The following BICD1 variants were observed in gnomAD, a reference collection of about 807,000 sequenced individuals.
BICD1 encodes protein bicaudal D homolog 1.
A neutral mutation model predicts 92.5 loss-of-function variants in BICD1; 35 were observed. The ratio of observed to expected loss-of-function variants is 0.38; its 90% CI spans 0.29 to 0.50. The LOEUF (loss-of-function observed/expected upper bound fraction) is 0.50, where lower values mean the gene tolerates loss of function less well. Among genes scored for constraint, BICD1 ranks in the 20% least tolerant of loss-of-function variants. BICD1 has a pLI of 0.93. For missense variants in BICD1, 950 were observed against 1,189.8 expected (o/e 0.80, Z 2.97); for synonymous variants, 429 against 465.1 (o/e 0.92, Z 1.00).
chr12:32,315,986 A>G (rs2136235277), intron 4 of BICD1, among the ~76,000 whole-genome samples: 1 of 151,982 alleles, frequency 6.6e-6, no homozygotes, highest in South Asian at 2.1e-4. Flanking sequence ...AAATACAAAA[A>G]TTAGCCGAGT....
chr12:32,111,356 C>T (rs996335055), intron 1 of BICD1, among the ~76,000 whole-genome samples: 1 of 152,326 alleles, frequency 6.6e-6, no homozygotes, highest in Non-Finnish European at 1.5e-5. Context: ...TAGAGCTTGT[C>T]ACATTGGTGA....
At chr12:32,161,235 G>C (rs1311978121) in intron 1 of BICD1, among the ~76,000 whole-genome samples, 1 of 152,118 alleles carries the variant, frequency 6.6e-6, no homozygotes. Flanking sequence ...AATCTCTCCA[G>C]GCTGAAAGAT....
chr12:32,150,900 C>T (rs1321732082), intron 1 of BICD1, among the ~76,000 whole-genome samples: 1 of 152,114 alleles, frequency 6.6e-6, no homozygotes, highest in African/African-American at 2.4e-5. Flanking sequence ...CTCTTCTGTC[C>T]GAGCATTTTC....
At chr12:32,116,751 A>T (rs944889031) in intron 1 of BICD1, among the ~76,000 whole-genome samples, 1 of 150,738 alleles carries the variant, frequency 6.6e-6, no homozygotes, top group Non-Finnish European at 1.5e-5. Flanking sequence ...ATTTTTAGAA[A>T]TTATTATTTG....
At chr12:32,287,040 A>G (rs1211786106) in intron 2 of BICD1, among the ~76,000 whole-genome samples, 33 of 152,200 alleles carry the variant, frequency 2.2e-4, no homozygotes, top group South Asian at 2.1e-4. Context: ...TGCTCAGGGA[A>G]GGTTTCCCTG....
chr12:32,333,110 T>C (rs1283343808), intron 5 of BICD1: 13 of 984,486 alleles, frequency 1.3e-5, no homozygotes, highest in South Asian at 9.4e-5. Flanking sequence ...CCTTAGATAC[T>C]GACCATGGGA....
chr12:32,149,962 G>C (rs1209450478), intron 1 of BICD1, among the ~76,000 whole-genome samples: 1 of 152,208 alleles, frequency 6.6e-6, no homozygotes, highest in Non-Finnish European at 1.5e-5. Flanking sequence ...TGGACTTGCA[G>C]TTCCAGGTGG....
At position 32,337,863 on chromosome 12, in the gene BICD1, A is replaced by C; in HGVS notation, c.2570+47A>C. The C allele has an allele frequency of 6.3e-7, 1 of 1,574,922 alleles. No homozygotes were observed. Among genetic ancestry groups the C allele is most frequent in the Non-Finnish European group, 8.7e-7 (1 of 1,146,144 alleles). Reference sequence around the variant, plus strand: ...TAGTACGGTGCAGTGGCCAGATTTTAGTTAACTGCAAAAATAAATGTGCTC... The same window carrying C: ...TAGTACGGTGCAGTGGCCAGATTTTCGTTAACTGCAAAAATAAATGTGCTC... On this transcript the variant is annotated intron_variant, in intron 7 of 9. Coordinates refer to ENST00000652176, the MANE Select transcript of BICD1 (RefSeq NM_001714.4). The surrounding 1 kb of genome is among the most constrained non-coding windows in gnomAD (Gnocchi z 4.7).
chr12:32,137,774 C>T lies in BICD1; in HGVS notation c.213+30230C>T, dbSNP rs370267762. On this transcript the variant is annotated intron_variant, in intron 1 of 9. Transcript: ENST00000652176. Reference sequence around the variant, plus strand: ...AATTCGGATTCCCTTTGTAAAAAGGCCTCCATTACTGGAGGCCAAATATAA... The same window carrying T: ...AATTCGGATTCCCTTTGTAAAAAGGTCTCCATTACTGGAGGCCAAATATAA... Among the ~76,000 whole-genome samples the T allele has an allele frequency of 2.9e-4, 44 of 152,048 alleles. 1 individual carries two copies. Among genetic ancestry groups the T allele is most frequent in the East Asian group, 2.1e-3 (11 of 5,166 alleles).
intron 9 of BICD1, among the ~76,000 whole-genome samples, chr12:32,371,821 C>T (rs1201974557): frequency 2.0e-5 from 3 of 152,146 alleles, no homozygotes; most frequent in Non-Finnish European, 4.4e-5. Flanking sequence ...CTCCTGACCT[C>T]CAGTGATCTG....
chr12:32,308,340 A>T (rs1324740210), intron 4 of BICD1, among the ~76,000 whole-genome samples: 3 of 152,172 alleles, frequency 2.0e-5, no homozygotes, highest in African/African-American at 7.2e-5. Flanking sequence ...ATGTATTTCA[A>T]ATGCTCTGAG....
rs1204086747 is a variant in BICD1, at chr12:32,378,279, G to A, written c.*652G>A. 2.0e-5 allele frequency: 3 copies of A among 152,166 alleles called. No homozygotes were observed. The highest frequency in any genetic ancestry group is 4.4e-5 in the Non-Finnish European group (3 of 68,022). The allele number at this position is 152,166 out of a possible 1,614,324, so 9.4% of individuals were successfully genotyped here. A position where few individuals can be genotyped will look rare whatever the true frequency, so the allele number is the denominator to read the frequency against. On this transcript the variant is annotated 3_prime_UTR_variant, in exon 10 of 10. Transcript: ENST00000652176. ...TTGCTGCTACGCTGGTATTGTTTAG[G>A]CACTTACTTTCTAATCAGTAGCTCA... is the stretch of plus-strand genomic sequence containing the variant.
At chr12:32,215,975 A>AG (rs1555148836) in intron 1 of BICD1, among the ~76,000 whole-genome samples, 11,053 of 142,032 alleles carry the variant, frequency 0.078, 823 homozygotes, top group South Asian at 0.2. Context: ...AAAAAAAAAA[A>AG]GGAGAACATA....
At chr12:32,178,905 G>A (rs1258595942) in intron 1 of BICD1, among the ~76,000 whole-genome samples, 5 of 151,912 alleles carry the variant, frequency 3.3e-5, no homozygotes, top group African/African-American at 9.7e-5. Context: ...GGTGGAGGAC[G>A]TCACTCAGTT....
chr12:32,156,766 A>G (rs1943451133), intron 1 of BICD1, among the ~76,000 whole-genome samples: 2 of 152,234 alleles, frequency 1.3e-5, no homozygotes, highest in Non-Finnish European at 1.5e-5. Context: ...CAGAACACTC[A>G]TGTTTAGATC....
At chr12:32,187,224 CTGTT>C (rs1413742691) in intron 1 of BICD1, among the ~76,000 whole-genome samples, 5 of 152,252 alleles carry the variant, frequency 3.3e-5, no homozygotes, top group Non-Finnish European at 7.3e-5. Flanking sequence ...AATAAATTCA[CTGTT>C]TGCTTTAGGA....
In BICD1 at chr12:32,378,732, T is replaced by G. The variant is rs1328446141; in HGVS notation, c.*1105T>G. ...AAATTGTATGTTTTGTTGTTGTTAG[T>G]TTTTTTCATAACGAATCTTCCTTGC... On this transcript the variant is annotated 3_prime_UTR_variant, in exon 10 of 10. Coordinates refer to ENST00000652176, the MANE Select transcript of BICD1 (RefSeq NM_001714.4). The G allele has an allele frequency of 6.6e-6, 1 of 152,182 alleles. No individual in the cohort carries two copies. The allele number at this position is 152,182 out of a possible 1,614,324, so 9.4% of individuals were successfully genotyped here. A position where few individuals can be genotyped will look rare whatever the true frequency, so the allele number is the denominator to read the frequency against.
At chr12:32,196,416 T>G (rs1310952942) in intron 1 of BICD1, among the ~76,000 whole-genome samples, 1 of 152,026 alleles carries the variant, frequency 6.6e-6, no homozygotes, top group Admixed American at 6.6e-5. Context: ...ATAAAGAAAA[T>G]GTGGTGTGTA....
At chr12:32,126,370 G>A (rs1481437415) in intron 1 of BICD1, among the ~76,000 whole-genome samples, 1 of 151,984 alleles carries the variant, frequency 6.6e-6, no homozygotes, top group African/African-American at 2.4e-5. Flanking sequence ...GAATGAGAGT[G>A]AACGCAGGTT....
Sources: allele counts gnomAD v4.1 joint callset (sites outside exome capture counted in the v4.1 genomes callset), GRCh38; gene constraint gnomAD v4.1.1; non-coding constraint Gnocchi (gnomAD v3.1); transcripts MANE v1.5; gene names NCBI Gene and HGNC (gene_info 2026-07-23, HGNC 2026-07-21).